ATP8A1: variants seen among roughly 807,000 people sequenced by gnomAD.
The protein encoded by ATP8A1 is ATPase phospholipid transporting 8A1.
In ATP8A1, 90 loss-of-function variants were observed where a neutral mutation model predicts 177.7. The observed-to-expected ratio is 0.51, with a 90% CI of 0.43 to 0.60. The LOEUF (loss-of-function observed/expected upper bound fraction) is 0.60. ATP8A1 is among the 20% of genes least tolerant of loss of function. The pLI, the probability that ATP8A1 is intolerant of heterozygous loss-of-function variation, is 0.00. For missense variants in ATP8A1, 1,072 were observed against 1,392.8 expected, an observed-to-expected ratio of 0.77 and a Z score of 3.67; for synonymous variants, 493 against 485.9, an observed-to-expected ratio of 1.01 and a Z score of -0.19.
At chr4:42,594,717 C>T (rs764683999) in intron 6 of ATP8A1, among the ~76,000 whole-genome samples, 9 of 151,992 alleles carry the variant, frequency 5.9e-5, no homozygotes, top group African/African-American at 1.4e-4. Flanking sequence ...CAACTGGAGA[C>T]GCTATCATAT....
At chr4:42,435,503 CACA>C (rs1715883796) in intron 33 of ATP8A1, among the ~76,000 whole-genome samples, 1 of 147,860 alleles carries the variant, frequency 6.8e-6, no homozygotes, top group Non-Finnish European at 1.5e-5. Context: ...AAACAGATGG[CACA>C]ACGACTTTCA....
At chr4:42,471,568 T>G (rs1366560385) in intron 25 of ATP8A1, among the ~76,000 whole-genome samples, 1 of 152,236 alleles carries the variant, frequency 6.6e-6, no homozygotes, top group Non-Finnish European at 1.5e-5. Flanking sequence ...TGCATGTATG[T>G]GCATGTGTGC....
chr4:42,600,067 A>T, intron 6 of ATP8A1, among the ~76,000 whole-genome samples: 1 of 152,194 alleles, frequency 6.6e-6, no homozygotes, highest in Admixed American at 6.5e-5. Context: ...GTTTTAAAGG[A>T]ATTAGTGGTA....
At chr4:42,475,656 C>T (rs1414857478) in intron 25 of ATP8A1, among the ~76,000 whole-genome samples, 1 of 151,962 alleles carries the variant, frequency 6.6e-6, no homozygotes, top group African/African-American at 2.4e-5. Context: ...ATAAGAGCAA[C>T]AAACATTTGA....
chr4:42,524,961 G>C, intron 20 of ATP8A1, 114 bp from the exon 21 acceptor site: 2 of 572,560 alleles, frequency 3.5e-6, no homozygotes, highest in Non-Finnish European at 6.0e-6. Context: ...ATCTCTTTTG[G>C]CATTCGTTTT....
chr4:42,428,902 C>T (rs576066323), intron 33 of ATP8A1, among the ~76,000 whole-genome samples: 47 of 152,260 alleles, frequency 3.1e-4, no homozygotes, highest in African/African-American at 9.4e-4. Context: ...ACTCAGAGGA[C>T]ACTACTTGGG....
At chr4:42,488,381 T>C (rs114857750) in intron 24 of ATP8A1, among the ~76,000 whole-genome samples, 2,508 of 152,184 alleles carry the variant, frequency 0.016, 75 homozygotes, top group African/African-American at 0.057. Context: ...AGCCTGTCTT[T>C]TTCTATGCAA....
At chr4:42,519,916 T>A (rs1262792315) in intron 22 of ATP8A1, among the ~76,000 whole-genome samples, 4 of 152,162 alleles carry the variant, frequency 2.6e-5, no homozygotes, top group African/African-American at 9.6e-5. Context: ...TATAGACACA[T>A]ATATAGATGC....
chr4:42,560,293 T>G (rs1730685199), intron 15 of ATP8A1, among the ~76,000 whole-genome samples: 1 of 152,080 alleles, frequency 6.6e-6, no homozygotes, highest in Non-Finnish European at 1.5e-5. Context: ...GCAGGGGAAA[T>G]GGAGGGCTCT....
chr4:42,602,042 C>T (rs1218036514), intron 5 of ATP8A1, among the ~76,000 whole-genome samples: 1 of 151,834 alleles, frequency 6.6e-6, no homozygotes, highest in Non-Finnish European at 1.5e-5. Flanking sequence ...GTATATGGGA[C>T]ATTCAGATGC....
chr4:42,641,909 G>A (rs1184251388), intron 1 of ATP8A1, among the ~76,000 whole-genome samples: 1 of 152,004 alleles, frequency 6.6e-6, no homozygotes, highest in Non-Finnish European at 1.5e-5. Context: ...ATTAATCTCA[G>A]AATGAGTCAG....
chr4:42,566,255 G>A (rs1296248888), intron 15 of ATP8A1, among the ~76,000 whole-genome samples: 2 of 151,910 alleles, frequency 1.3e-5, no homozygotes, highest in South Asian at 2.1e-4. Flanking sequence ...GGTTCAAGTC[G>A]GGCAGTAAAA....
intron 18 of ATP8A1, among the ~76,000 whole-genome samples, chr4:42,550,894 A>G (rs115720091): frequency 2.0e-5 from 3 of 152,222 alleles, no homozygotes; most frequent in Admixed American, 6.5e-5. Context: ...GAATAAAATC[A>G]TAATAATTTG....
intron 6 of ATP8A1, among the ~76,000 whole-genome samples, chr4:42,594,910 T>C (rs945058877): frequency 6.6e-6 from 1 of 152,182 alleles, no homozygotes; most frequent in African/African-American, 2.4e-5. Context: ...TTTGTGAAAC[T>C]ATCAATGTAT....
At chr4:42,599,721 T>C (rs891505959) in intron 6 of ATP8A1, among the ~76,000 whole-genome samples, 7 of 152,172 alleles carry the variant, frequency 4.6e-5, no homozygotes, top group Non-Finnish European at 1.0e-4. Context: ...AGCAAAATAC[T>C]GTCCTGTGAG....
intron 33 of ATP8A1, among the ~76,000 whole-genome samples, chr4:42,438,116 A>C (rs1716202107): frequency 6.6e-6 from 1 of 152,168 alleles, no homozygotes; most frequent in Admixed American, 6.5e-5. Flanking sequence ...GGGAAAGAAA[A>C]GATGAGAGAA....
intron 4 of ATP8A1, among the ~76,000 whole-genome samples, chr4:42,623,898 A>C (rs1444307997): frequency 6.6e-6 from 1 of 152,170 alleles, no homozygotes; most frequent in Non-Finnish European, 1.5e-5. Flanking sequence ...GAAGTAGTTT[A>C]AAAGAACAGG....
At chr4:42,495,725 T>C (rs1045606443) in intron 24 of ATP8A1, among the ~76,000 whole-genome samples, 1 of 151,818 alleles carries the variant, frequency 6.6e-6, no homozygotes, top group Non-Finnish European at 1.5e-5. Context: ...CAAACCAATA[T>C]AAAGTAATTT....
At chr4:42,449,640 T>C (rs13131118) in intron 30 of ATP8A1, among the ~76,000 whole-genome samples, 71,533 of 152,028 alleles carry the variant, frequency 0.47, 19,115 homozygotes, top group East Asian at 0.81. Context: ...ACTACAAATC[T>C]CTCAACATCA....
Sources: gnomAD v4.1 joint callset for allele counts (sites outside exome capture counted in the v4.1 genomes callset) on GRCh38, gnomAD v4.1.1 for gene constraint, MANE v1.5 for transcripts, NCBI Gene and HGNC (gene_info 2026-07-23, HGNC 2026-07-21) for gene names.